Variants in SPTAN1 observed in about 807,000 individuals in gnomAD.
SPTAN1 encodes spectrin alpha chain, non-erythrocytic 1.
In SPTAN1, 61 loss-of-function variants were observed where a neutral mutation model predicts 331.3. That is an observed-to-expected ratio of 0.18 (90% CI 0.15 to 0.23). The LOEUF is 0.23. Ranked by LOEUF, SPTAN1 falls within the 10% of genes least tolerant of loss-of-function variation. SPTAN1 has a pLI of 1.00. For missense variants in SPTAN1, 2,043 were observed against 3,147.9 expected, an observed-to-expected ratio of 0.65 and a Z score of 8.40; for synonymous variants, 1,153 against 1,173.9, an observed-to-expected ratio of 0.98 and a Z score of 0.36.
chr9:128,573,477 A>G (rs1160855142), intron 3 of SPTAN1, among the ~76,000 whole-genome samples: 1 of 151,942 alleles, frequency 6.6e-6, no homozygotes, highest in Non-Finnish European at 1.5e-5. Context: ...TTTTCCCGAG[A>G]TGGATTCTTG....
intron 9 of SPTAN1, 109 bp downstream of exon 9, chr9:128,578,354 A>G (rs1851540879): frequency 1.4e-6 from 2 of 1,444,586 alleles, no homozygotes; most frequent in Non-Finnish European, 1.9e-6. Context: ...TGTTATTCAC[A>G]GGTGTTTCTC....
intron 51 of SPTAN1, 165 bp from the exon 52 acceptor site, chr9:128,630,156 C>G (rs747791505): frequency 1.1e-5 from 9 of 806,228 alleles, no homozygotes; most frequent in Middle Eastern, 2.2e-4. Flanking sequence ...TGCCATCCCT[C>G]GATCCCTGGG....
At position 128,574,673 on chromosome 9, in the gene SPTAN1, A is replaced by C. The variant is rs1851103057; in HGVS notation, c.364-2A>C. 1 of 1,614,086 alleles carries C rather than the reference A, an allele frequency of 6.2e-7. No individual in the cohort carries two copies. Among genetic ancestry groups the C allele is most frequent in the African/African-American group, 1.3e-5 (1 of 74,938 alleles). On this transcript the variant is annotated splice_acceptor_variant, in intron 3 of 56. Transcript: ENST00000372739. LOFTEE classifies it high-confidence loss of function. ...ATTAAAACTCTGATTTGAAACTTTC[A>C]GACCCGTTTGATGGAGCTGCACCGC...
chr9:128,575,391 A>G, intron 5 of SPTAN1, 46 bp downstream of exon 5: 2 of 1,597,272 alleles, frequency 1.3e-6, no homozygotes, highest in Non-Finnish European at 1.7e-6. Flanking sequence ...TATTATGTTA[A>G]CTTTTTAGTA....
At chr9:128,588,343 C>T (rs750705450) in intron 20 of SPTAN1, among the ~76,000 whole-genome samples, 1 of 96,472 alleles carries the variant, frequency 1.0e-5, no homozygotes. Flanking sequence ...TGGAGTTTCA[C>T]TCTTGTTGCC....
At chr9:128,574,529 T>C in intron 3 of SPTAN1, 146 bp from the exon 4 acceptor site, 1 of 995,680 alleles carries the variant, frequency 1.0e-6, no homozygotes, top group African/African-American at 1.6e-5. Flanking sequence ...TTAAATTTAC[T>C]ATTTCCTCTC....
intron 45 of SPTAN1, 104 bp from the exon 46 acceptor site, chr9:128,624,223 GC>G: frequency 2.2e-6 from 3 of 1,366,400 alleles, no homozygotes; most frequent in Non-Finnish European, 3.1e-6. Flanking sequence ...GGACAGGGGA[GC>G]AAGTGGCCCA....
chr9:128,583,364 C>A, intron 15 of SPTAN1, 83 bp downstream of exon 15: 5 of 1,371,434 alleles, frequency 3.6e-6, no homozygotes, highest in Non-Finnish European at 5.1e-6. Flanking sequence ...GGGACATATA[C>A]CCCCCAAGAA....
chr9:128,600,914 C>T (rs1226167016), intron 27 of SPTAN1, among the ~76,000 whole-genome samples: 3 of 147,988 alleles, frequency 2.0e-5, no homozygotes, highest in African/African-American at 7.4e-5. Flanking sequence ...CTGCCTGCCT[C>T]AGCCTTCCAA....
intron 11 of SPTAN1, 133 bp from the exon 12 acceptor site, chr9:128,581,649 G>A: frequency 1.3e-6 from 1 of 768,828 alleles, no homozygotes; most frequent in Non-Finnish European, 2.3e-6. Flanking sequence ...TCCTAGAAGA[G>A]ATCTTAGAAG....
At chr9:128,633,027 T>C in intron 56 of SPTAN1, 72 bp downstream of exon 56, 2 of 1,602,526 alleles carry the variant, frequency 1.2e-6, no homozygotes, top group Non-Finnish European at 8.5e-7. Flanking sequence ...CAGAGCTGAG[T>C]CTGGGGTAAC....
In SPTAN1 at chr9:128,632,128, G is replaced by A. The variant is rs201693154; in HGVS notation, c.6764G>A (p.Arg2255His). Reference sequence around the variant, plus strand: ...CATCTGTGCTCCCCACCCCTGCAGCGCAAGCACCAGGAAATCCGAGCCATG... The same window carrying A: ...CATCTGTGCTCCCCACCCCTGCAGCACAAGCACCAGGAAATCCGAGCCATG... ...TLESQLEATK[R>H]KHQEIRAMRS... The change falls in exon 53 of 57, where the codon CGC (arginine) becomes CAC (histidine). Residue 2255 changes from arginine (R) to histidine (H), a missense_variant and splice_region_variant. Coordinates refer to ENST00000372739, the MANE Select transcript of SPTAN1 (RefSeq NM_001130438.3). 18 of 1,613,048 alleles carry A rather than the reference G, an allele frequency of 1.1e-5. No homozygotes were observed. The highest frequency in any genetic ancestry group is 1.7e-5 in the Admixed American group (1 of 60,004).
Position 128,617,774 on chromosome 9 carries a change from C to G in SPTAN1, c.5478+14C>G, listed in dbSNP as rs1345928086. 5 of 1,613,702 alleles carry G rather than the reference C, an allele frequency of 3.1e-6. No homozygotes were observed. Among genetic ancestry groups the G allele is most frequent in the Non-Finnish European group, 4.2e-6 (5 of 1,179,936 alleles). On this transcript the variant is annotated intron_variant, in intron 42 of 56. Transcript: ENST00000372739. ...CCGGCTATTCAGGTAAGGAGGCCGC[C>G]TTCTGGCCAAGAGGGCAGAGGTGTT...
At chr9:128,570,625 A>G (rs1289029740) in intron 3 of SPTAN1, among the ~76,000 whole-genome samples, 1 of 150,160 alleles carries the variant, frequency 6.7e-6, no homozygotes, top group Non-Finnish European at 1.5e-5. Flanking sequence ...GGCTTGAGCC[A>G]CCGTGCCCAG....
chr9:128,626,715 G>C, intron 49 of SPTAN1, 28 bp downstream of exon 49: 1 of 1,579,324 alleles, frequency 6.3e-7, no homozygotes, highest in Non-Finnish European at 8.6e-7. Context: ...CTCAGGAGCT[G>C]CTCGGCCTCC....
chr9:128,592,463 T>A (rs905011105), intron 22 of SPTAN1, among the ~76,000 whole-genome samples: 2 of 151,992 alleles, frequency 1.3e-5, no homozygotes, highest in Admixed American at 6.6e-5. Context: ...TTAGTAGAGA[T>A]GGGGTTTCAC....
chr9:128,613,509 G>T (rs1438813158), intron 40 of SPTAN1, 24 bp downstream of exon 40: 9 of 1,592,350 alleles, frequency 5.7e-6, no homozygotes, highest in Non-Finnish European at 7.8e-6. Flanking sequence ...GGCGGGCCAG[G>T]CCCGAGTGCC....
chr9:128,600,510 A>G (rs1314162521), intron 27 of SPTAN1, among the ~76,000 whole-genome samples: 1 of 152,174 alleles, frequency 6.6e-6, no homozygotes, highest in East Asian at 1.9e-4. Flanking sequence ...TGGCCTAAGA[A>G]AGGCTTCAGA....
At chr9:128,579,830 C>T (rs956417146) in intron 10 of SPTAN1, 92 bp downstream of exon 10, 11 of 1,038,364 alleles carry the variant, frequency 1.1e-5, no homozygotes, top group South Asian at 1.3e-5. Flanking sequence ...ATCCAGAGAA[C>T]GCATTCACCA....
Sources: gnomAD v4.1 joint callset for allele counts (sites outside exome capture counted in the v4.1 genomes callset) on GRCh38, gnomAD v4.1.1 for gene constraint, MANE v1.5 for transcripts, NCBI Gene and HGNC (gene_info 2026-07-23, HGNC 2026-07-21) for gene names.